The following KAZN variants were observed in gnomAD, a reference collection of about 807,000 sequenced individuals.
KAZN encodes kazrin.
Under a neutral mutation model 87.4 loss-of-function variants are expected in KAZN, and 40 were observed. That is an observed-to-expected ratio of 0.46 (90% CI 0.36 to 0.60). KAZN has a LOEUF of 0.60. KAZN is among the 20% of genes least tolerant of loss of function. KAZN has a pLI of 0.00. For synonymous variants in KAZN, 466 were observed against 458.3 expected, an observed-to-expected ratio of 1.02 and a Z score of -0.22; for missense variants, 898 against 1,073.9, an observed-to-expected ratio of 0.84 and a Z score of 2.29.
intron 1 of KAZN, among the ~76,000 whole-genome samples, chr1:14,839,790 GAA>G (rs942802801): frequency 6.6e-6 from 1 of 152,194 alleles, no homozygotes; most frequent in African/African-American, 2.4e-5. Flanking sequence ...CTCCATTGAT[GAA>G]ATGAAAGACA....
At chr1:14,557,501 G>A (rs1230069713) in intron 2 of KAZN, among the ~76,000 whole-genome samples, 1 of 151,756 alleles carries the variant, frequency 6.6e-6, no homozygotes, top group Non-Finnish European at 1.5e-5. Flanking sequence ...AAATATATTT[G>A]TAATAAATAA....
rs116465668 is a variant in KAZN, at chr1:14,616,164, G to A, written c.226+16941G>A. ...TTTGCAGTTGGAGAAACTGAGGCTG[G>A]AGAGCGCAAGTGAGTCTGCTGAGGC... is the stretch of plus-strand genomic sequence containing the variant. On this transcript the variant is annotated intron_variant, in intron 1 of 14. Transcript: ENST00000376030. Among the ~76,000 whole-genome samples the A allele has an allele frequency of 4.1e-3, 630 of 152,294 alleles. 5 individuals carry two copies. Among genetic ancestry groups the A allele is most frequent in the African/African-American group, 0.014 (565 of 41,580 alleles).
intron 2 of KAZN, among the ~76,000 whole-genome samples, chr1:14,545,862 T>C (rs984279627): frequency 1.3e-5 from 2 of 152,166 alleles, no homozygotes; most frequent in African/African-American, 4.8e-5. Context: ...CATGTTACTT[T>C]AGCTCATATT....
intron 2 of KAZN, among the ~76,000 whole-genome samples, chr1:14,231,204 C>A (rs1291367525): frequency 6.6e-6 from 1 of 152,180 alleles, no homozygotes; most frequent in Non-Finnish European, 1.5e-5. Flanking sequence ...CTAGGAAATA[C>A]ATGGATCAAA....
At chr1:15,089,672 T>C (rs910059675) in intron 8 of KAZN, among the ~76,000 whole-genome samples, 3 of 138,328 alleles carry the variant, frequency 2.2e-5, no homozygotes, top group South Asian at 2.2e-4. Flanking sequence ...TCTGGAAGTA[T>C]AGCTGTGGCA....
chr1:14,543,400 A>G (rs995174190), intron 2 of KAZN, among the ~76,000 whole-genome samples: 6 of 152,162 alleles, frequency 3.9e-5, no homozygotes, highest in African/African-American at 1.4e-4. Context: ...CTTGCCTCCA[A>G]ATCTGTGAAC....
At chr1:14,463,450 G>A (rs1442208104) in intron 2 of KAZN, among the ~76,000 whole-genome samples, 1 of 152,076 alleles carries the variant, frequency 6.6e-6, no homozygotes, top group African/African-American at 2.4e-5. Context: ...AACCAGCCCA[G>A]GTTTACCTTA....
At chr1:15,085,356 T>G (rs868481931) in intron 8 of KAZN, among the ~76,000 whole-genome samples, 9 of 152,178 alleles carry the variant, frequency 5.9e-5, no homozygotes, top group Non-Finnish European at 1.2e-4. Context: ...GAGATGGAGT[T>G]TCACTCTGTC....
intron 1 of KAZN, among the ~76,000 whole-genome samples, chr1:14,076,173 C>T (rs1363497626): frequency 8.6e-5 from 13 of 151,736 alleles, no homozygotes; most frequent in African/African-American, 2.9e-4. Flanking sequence ...CCCAGCTACT[C>T]GGGAGGCTGA....
chr1:15,004,453 C>T (rs1557706870), intron 2 of KAZN, among the ~76,000 whole-genome samples: 1 of 152,222 alleles, frequency 6.6e-6, no homozygotes, highest in Admixed American at 6.5e-5. Context: ...CTAGCTGTTA[C>T]CATCTTGGAC....
intron 2 of KAZN, among the ~76,000 whole-genome samples, chr1:14,303,275 A>T (rs1654686223): frequency 6.6e-6 from 1 of 151,972 alleles, no homozygotes; most frequent in Non-Finnish European, 1.5e-5. Context: ...GGTGTGTCTC[A>T]CTCTGTTGCC....
intron 1 of KAZN, among the ~76,000 whole-genome samples, chr1:13,945,028 C>A (rs1357437911): frequency 6.6e-6 from 1 of 151,810 alleles, no homozygotes; most frequent in Admixed American, 6.6e-5. Flanking sequence ...AAACACTAAT[C>A]AAAAGAAAGC....
intron 2 of KAZN, among the ~76,000 whole-genome samples, chr1:14,417,306 T>C (rs1345370684): frequency 6.6e-6 from 1 of 152,186 alleles, no homozygotes; most frequent in African/African-American, 2.4e-5. Context: ...GCTAAATCCA[T>C]TGCACCAGGC....
At chr1:13,940,115 A>G (rs1640874871) in intron 1 of KAZN, among the ~76,000 whole-genome samples, 1 of 152,124 alleles carries the variant, frequency 6.6e-6, no homozygotes, top group Non-Finnish European at 1.5e-5. Context: ...GCATCCTTAC[A>G]TGGCTTTGGT....
At chr1:14,223,911 C>T (rs1340143358) in intron 2 of KAZN, among the ~76,000 whole-genome samples, 1 of 152,104 alleles carries the variant, frequency 6.6e-6, no homozygotes. Context: ...AGGTGATCAG[C>T]AAGGGCTAGG....
chr1:14,663,033 CA>C (rs1421336570), intron 1 of KAZN, among the ~76,000 whole-genome samples: 1 of 151,080 alleles, frequency 6.6e-6, no homozygotes, highest in Non-Finnish European at 1.5e-5. Context: ...TTCAGTAGCA[CA>C]ATCATAGCTC....
intron 2 of KAZN, among the ~76,000 whole-genome samples, chr1:14,233,989 G>A (rs529908868): frequency 1.3e-5 from 2 of 152,156 alleles, no homozygotes; most frequent in Non-Finnish European, 2.9e-5. Flanking sequence ...AAGACAGTGT[G>A]GTGATTCCTC....
chr1:14,873,499 G>A (rs1213476577), intron 1 of KAZN, among the ~76,000 whole-genome samples: 2 of 152,212 alleles, frequency 1.3e-5, no homozygotes, highest in Non-Finnish European at 2.9e-5. Flanking sequence ...GCAGAGATCT[G>A]AGGGAAAAGC....
intron 2 of KAZN, among the ~76,000 whole-genome samples, chr1:14,228,163 G>A (rs1465070700): frequency 6.6e-6 from 1 of 152,116 alleles, no homozygotes; most frequent in African/African-American, 2.4e-5. Context: ...TGATAGTGAT[G>A]ATGATGATGT....
Sources: gnomAD v4.1 joint callset for allele counts (sites outside exome capture counted in the v4.1 genomes callset) on GRCh38, gnomAD v4.1.1 for gene constraint, MANE v1.5 for transcripts, NCBI Gene and HGNC (gene_info 2026-07-23, HGNC 2026-07-21) for gene names.